SEZ6L2: variants seen among roughly 807,000 people sequenced by gnomAD.
The protein encoded by SEZ6L2 is seizure related 6 homolog like 2, also known as seizure 6-like protein 2.
A neutral mutation model predicts 97.0 loss-of-function variants in SEZ6L2; 44 were observed. The ratio of observed to expected loss-of-function variants is 0.45; its 90% CI spans 0.36 to 0.58. SEZ6L2 has a LOEUF of 0.58. SEZ6L2 is among the 20% of genes least tolerant of loss of function. SEZ6L2 has a pLI of 0.00. For synonymous variants in SEZ6L2, 543 were observed against 546.1 expected (o/e 0.99, Z 0.08); for missense variants, 1,086 against 1,233.3 (o/e 0.88, Z 1.79).
intron 8 of SEZ6L2, among the ~76,000 whole-genome samples, chr16:29,881,536 G>C (rs2068029030): frequency 6.6e-6 from 1 of 151,190 alleles, no homozygotes; most frequent in Non-Finnish European, 1.5e-5. Context: ...TAGAGCATTT[G>C]AGTTTCTGCC....
chr16:29,876,680 T>G lies in SEZ6L2; in HGVS notation c.2104+76A>C. 4 of 1,327,776 alleles carry G rather than the reference T, an allele frequency of 3.0e-6. No individual in the cohort carries two copies. The highest frequency in any genetic ancestry group is 4.0e-6 in the Non-Finnish European group (4 of 997,724). 82.2% of individuals were successfully genotyped at this position (1,327,776 alleles called of 1,614,324 possible). ...GGATGGAACCCAGAAAGCACGGGGGTCGGGACAGGACAGGCCGACGACGGG... is the reference window on the plus strand; with the variant it reads ...GGATGGAACCCAGAAAGCACGGGGGGCGGGACAGGACAGGCCGACGACGGG... On this transcript the variant is annotated intron_variant, in intron 12 of 17. Transcript: ENST00000617533. The surrounding 1 kb of genome is among the most constrained non-coding windows in gnomAD (Gnocchi z 6.5).
chr16:29,887,669 C>A lies in SEZ6L2; in HGVS notation c.1188G>T (p.Ser396=), dbSNP rs1228536537. The stretch of plus-strand genomic sequence containing the variant: ...CTTACCGGTCATTGTCCTCATCCAG[C>A]GAGACCCTTTCAAAGTGCAGGTGCA... ...RRLHLHFERV[S]LDEDNDRLMV... Residue 396 remains serine (S), a synonymous_variant, in exon 7 of 18, where the codon TCG becomes TCT. Coordinates refer to ENST00000617533, the MANE Select transcript of SEZ6L2 (RefSeq NM_001243332.2). The A allele has an allele frequency of 1.9e-6, 3 of 1,592,200 alleles. No individual in the cohort carries two copies. Among genetic ancestry groups the A allele is most frequent in the Non-Finnish European group, 1.7e-6 (2 of 1,167,606 alleles).
At position 29,887,207 on chromosome 16, in the gene SEZ6L2, G is replaced by T. The variant is rs1280072008; in HGVS notation, c.1208+442C>A. ...AAAAAAAGAAAAAAAAAAAAAAAAA[G>T]GCTTAGGACTAAGCTGTGATGCATA... On this transcript the variant is annotated intron_variant, in intron 7 of 17. Transcript: ENST00000617533. 8.1e-5 allele frequency among the ~76,000 whole-genome samples: 12 copies of T among 147,332 alleles called. 1 individual carries two copies. Among genetic ancestry groups the T allele is most frequent in the African/African-American group, 2.3e-4 (9 of 39,608 alleles).
In SEZ6L2 at chr16:29,871,185, G is replaced by C. The variant is rs934596498; in HGVS notation, c.*514C>G. ...TACAAGTGGCGATTTTCTGTTTATT[G>C]CTCAAAAACAAGAATTCAGAAGCAA... On this transcript the variant is annotated 3_prime_UTR_variant, in exon 18 of 18. Coordinates refer to ENST00000617533, the MANE Select transcript of SEZ6L2 (RefSeq NM_001243332.2). 3 of 170,416 alleles carry C rather than the reference G, an allele frequency of 1.8e-5. No individual in the cohort carries two copies. Among genetic ancestry groups the C allele is most frequent in the Non-Finnish European group, 3.8e-5 (3 of 78,040 alleles). 10.6% of individuals were successfully genotyped at this position (170,416 alleles called of 1,614,324 possible). A position where few individuals can be genotyped will look rare whatever the true frequency, so the allele number is the denominator to read the frequency against.
intron 5 of SEZ6L2, among the ~76,000 whole-genome samples, chr16:29,889,614 C>CTTT (rs869108927): frequency 0.015 from 1,056 of 70,598 alleles, 36 homozygotes; most frequent in Non-Finnish European, 0.024. Context: ...CTTGAAACTT[C>CTTT]TTTTTTTTTT....
intron 5 of SEZ6L2, among the ~76,000 whole-genome samples, chr16:29,892,460 C>A (rs1166590957): frequency 6.6e-6 from 1 of 152,196 alleles, no homozygotes; most frequent in East Asian, 1.9e-4. Flanking sequence ...TGGCCCAGGC[C>A]CTCCAGGAAT....
chr16:29,887,865 CCTT>C (rs769359310), intron 6 of SEZ6L2, 48 bp from the exon 7 acceptor site: 13 of 1,597,428 alleles, frequency 8.1e-6, no homozygotes, highest in African/African-American at 5.4e-5. Flanking sequence ...GGTGAACTGT[CCTT>C]CTCCTCGGGG....
At position 29,880,083 on chromosome 16, in the gene SEZ6L2, T is replaced by G. The variant is rs1404590193; in HGVS notation, c.1373-19A>C. ...TCAAAGGCTGGGAAGGAGTCAGTCA[T>G]AACAATTAAGCATTAGGACAGGCCT... On this transcript the variant is annotated intron_variant, in intron 8 of 17. Transcript: ENST00000617533. The G allele has an allele frequency of 6.2e-7, 1 of 1,612,156 alleles. No homozygotes were observed.
chr16:29,874,563 T>TTTTTTTTTG (rs2067862172), intron 12 of SEZ6L2, among the ~76,000 whole-genome samples: 1 of 88,688 alleles, frequency 1.1e-5, no homozygotes, highest in Non-Finnish European at 2.2e-5. Flanking sequence ...TTTTTTTTTT[T>TTTTTTTTTG]TTTTTTTTTT....
intron 5 of SEZ6L2, among the ~76,000 whole-genome samples, chr16:29,890,518 G>C (rs560192879): frequency 6.6e-6 from 1 of 152,034 alleles, no homozygotes; most frequent in Middle Eastern, 3.2e-3. Context: ...TCCCAAGACC[G>C]ATATAGCCTA....
intron 9 of SEZ6L2, among the ~76,000 whole-genome samples, chr16:29,879,144 C>A (rs935786802): frequency 6.6e-6 from 1 of 152,130 alleles, no homozygotes. Flanking sequence ...CTCAGGTGAT[C>A]CGCCTGCCTG....
intron 4 of SEZ6L2, 26 bp from the exon 5 acceptor site, chr16:29,895,486 C>T: frequency 6.2e-7 from 1 of 1,609,080 alleles, no homozygotes; most frequent in Non-Finnish European, 8.5e-7. Flanking sequence ...ACAGACCCGC[C>T]AGGGCAAGTC....
At chr16:29,882,304 C>T (rs902433109) in intron 8 of SEZ6L2, among the ~76,000 whole-genome samples, 1 of 151,880 alleles carries the variant, frequency 6.6e-6, no homozygotes, top group Non-Finnish European at 1.5e-5. Context: ...AGGCCAGATG[C>T]AGTGGCTCAC....
intron 3 of SEZ6L2, 70 bp downstream of exon 3, chr16:29,896,752 C>T (rs1199539245): frequency 1.0e-5 from 14 of 1,401,522 alleles, no homozygotes; most frequent in Non-Finnish European, 9.0e-6. Flanking sequence ...TCCCAGCAGC[C>T]TCTCTCCCAT....
At chr16:29,871,753 T>A (rs781138863) in intron 17 of SEZ6L2, 25 bp from the exon 18 acceptor site, 4 of 1,602,880 alleles carry the variant, frequency 2.5e-6, no homozygotes. Flanking sequence ...ATCAGGTCAG[T>A]TGTTGGAGTC....
chr16:29,878,763 C>CTTTTTTT (rs529820559), intron 9 of SEZ6L2, among the ~76,000 whole-genome samples: 9 of 127,914 alleles, frequency 7.0e-5, no homozygotes, highest in East Asian at 4.6e-4. Context: ...TTTCTTTTTT[C>CTTTTTTT]TTTTTTTTTT....
At chr16:29,882,451 C>T (rs1047166014) in intron 8 of SEZ6L2, among the ~76,000 whole-genome samples, 2 of 151,850 alleles carry the variant, frequency 1.3e-5, no homozygotes, top group African/African-American at 4.8e-5. Context: ...GTGGTACATG[C>T]CTGTAATCCC....
Position 29,895,829 on chromosome 16 carries a change from T to G in SEZ6L2, c.543A>C (p.Glu181Asp). 2 of 1,613,750 alleles carry G rather than the reference T, an allele frequency of 1.2e-6. No homozygotes were observed. The highest frequency in any genetic ancestry group is 1.7e-6 in the Non-Finnish European group (2 of 1,179,856). The change falls in exon 4 of 18, where the codon GAA (glutamate) becomes GAC (aspartate). Residue 181 changes from glutamate (E) to aspartate (D), a missense_variant. Physicochemically the swap from Glu to Asp is conservative, Grantham distance 45. Transcript: ENST00000617533. ...CCAGATCTGGAGACTCCACATACCC[T>G]TCGCCCTCGGAGATGTTGTTATTAC... Reference protein sequence around the residue: ...VLCNNNISEGEGYVESPDLGS... With the variant: ...VLCNNNISEGDGYVESPDLGS...
chr16:29,889,028 G>GTGAC (rs1281117290), intron 5 of SEZ6L2, among the ~76,000 whole-genome samples: 1 of 152,046 alleles, frequency 6.6e-6, no homozygotes, highest in Non-Finnish European at 1.5e-5. Context: ...CATTTGTTGT[G>GTGAC]TGACTTCAGG....
Sources: allele counts gnomAD v4.1 joint callset (sites outside exome capture counted in the v4.1 genomes callset), GRCh38; gene constraint gnomAD v4.1.1; non-coding constraint Gnocchi (gnomAD v3.1); transcripts MANE v1.5; gene names NCBI Gene and HGNC (gene_info 2026-07-23, HGNC 2026-07-21).